The following DIP2C variants were observed in gnomAD, a reference collection of about 807,000 sequenced individuals.
DIP2C encodes the protein disco-interacting protein 2 homolog C.
A neutral mutation model predicts 192.4 loss-of-function variants in DIP2C; 33 were observed. The observed-to-expected ratio is 0.17, with a 90% CI of 0.13 to 0.23. DIP2C has a LOEUF of 0.23. DIP2C is among the 10% of genes least tolerant of loss of function. The pLI, the probability that DIP2C is intolerant of heterozygous loss-of-function variation, is 1.00. For synonymous variants in DIP2C, 979 were observed against 864.1 expected, an observed-to-expected ratio of 1.13 and a Z score of -2.33; for missense variants, 1,537 against 2,110.1, an observed-to-expected ratio of 0.73 and a Z score of 5.32.
chr10:468,789 A>C (rs1970413752), intron 3 of DIP2C, among the ~76,000 whole-genome samples: 1 of 152,200 alleles, frequency 6.6e-6, no homozygotes, highest in Non-Finnish European at 1.5e-5. Flanking sequence ...AACAAACAAA[A>C]AAAGATGAGT....
At chr10:362,456 C>T (rs369449692) in intron 22 of DIP2C, 34 bp downstream of exon 22, 102 of 1,605,732 alleles carry the variant, frequency 6.4e-5, no homozygotes, top group African/African-American at 8.0e-5. Flanking sequence ...AGGGAACTCC[C>T]GCACCTCACA....
chr10:283,533 T>C (rs1398343392), intron 34 of DIP2C, 87 bp from the exon 35 acceptor site: 1 of 1,468,826 alleles, frequency 6.8e-7, no homozygotes, highest in East Asian at 2.3e-5. Flanking sequence ...ATTCAGTACA[T>C]TATATTCAGT....
chr10:435,964 T>C (rs1377173019), intron 4 of DIP2C, among the ~76,000 whole-genome samples: 1 of 152,100 alleles, frequency 6.6e-6, no homozygotes, highest in African/African-American at 2.4e-5. Flanking sequence ...GCCTCATATA[T>C]ATATATAAAT....
At chr10:407,741 C>CAA (rs1358643648) in intron 9 of DIP2C, among the ~76,000 whole-genome samples, 5 of 152,080 alleles carry the variant, frequency 3.3e-5, no homozygotes, top group African/African-American at 9.7e-5. Context: ...AACGTTTACT[C>CAA]AAGTCTCTGG....
intron 3 of DIP2C, among the ~76,000 whole-genome samples, chr10:448,376 A>G (rs1308963976): frequency 6.9e-6 from 1 of 143,958 alleles, no homozygotes; most frequent in African/African-American, 2.6e-5. Context: ...TCCCGTCGAT[A>G]CTCAGGATCA....
chr10:531,796 G>A (rs983801278), intron 1 of DIP2C, among the ~76,000 whole-genome samples: 1 of 152,150 alleles, frequency 6.6e-6, no homozygotes, highest in Non-Finnish European at 1.5e-5. Flanking sequence ...GCCTCGACGG[G>A]TGCCCGTGTC....
intron 1 of DIP2C, among the ~76,000 whole-genome samples, chr10:548,208 A>ACACC (rs1554897774): frequency 1.7e-5 from 1 of 58,258 alleles, no homozygotes; most frequent in Non-Finnish European, 3.5e-5. Flanking sequence ...AGTCTGCCCC[A>ACACC]CCCCCCCCCC....
At chr10:403,197 A>G (rs1368892512) in intron 9 of DIP2C, among the ~76,000 whole-genome samples, 1 of 1,990 alleles carries the variant, frequency 5.0e-4, no homozygotes, top group African/African-American at 5.5e-4. Context: ...CATGAATCCT[A>G]TGATTTTACA....
intron 17 of DIP2C, among the ~76,000 whole-genome samples, chr10:375,604 G>A (rs1287974650): frequency 6.6e-6 from 1 of 152,176 alleles, no homozygotes; most frequent in African/African-American, 2.4e-5. Context: ...CCAGCCTCTG[G>A]AAAGCATTCC....
Position 345,042 on chromosome 10 carries a change from C to T in DIP2C, c.3300G>A (p.Ala1100=), listed in dbSNP as rs1328180844. The part of the protein sequence containing the change: ...ICKLLRSREA[A]AAVDVRTWPL... ...GCCACGTCCTGACGTCCACAGCCGC[C>T]GCCGCCTCCCTGGACCGCAGCAACT... The change falls in exon 27 of 37, where the codon GCG becomes GCA. Residue 1100 remains alanine (A), a synonymous_variant. Coordinates refer to ENST00000280886, the MANE Select transcript of DIP2C (RefSeq NM_014974.3). 34 of 1,613,530 alleles carry T rather than the reference C, an allele frequency of 2.1e-5. No individual in the cohort carries two copies. The highest frequency in any genetic ancestry group is 1.0e-4 in the Admixed American group (6 of 59,978).
chr10:397,202 TG>T (rs1964056060), intron 10 of DIP2C, among the ~76,000 whole-genome samples: 2 of 152,262 alleles, frequency 1.3e-5, no homozygotes, highest in Admixed American at 6.5e-5. Flanking sequence ...CTTTTAGAGC[TG>T]GAAGAGTCAC....
chr10:387,523 CAG>C (rs896587253), intron 14 of DIP2C, among the ~76,000 whole-genome samples: 2 of 119,758 alleles, frequency 1.7e-5, no homozygotes, highest in Non-Finnish European at 3.3e-5. Context: ...TGTGGACAGA[CAG>C]TGAGGGGAGG....
intron 32 of DIP2C, among the ~76,000 whole-genome samples, chr10:305,026 CAT>C (rs35038986): frequency 0.8 from 121,516 of 152,100 alleles, 49,655 homozygotes; most frequent in Non-Finnish European, 0.89. Flanking sequence ...ACTCATGACA[CAT>C]ATATGCACGT....
intron 9 of DIP2C, among the ~76,000 whole-genome samples, 172 bp from the exon 10 acceptor site, chr10:399,391 T>C (rs75182908): frequency 0.064 from 9,747 of 152,282 alleles, 1,043 homozygotes; most frequent in African/African-American, 0.22. Flanking sequence ...CGGCCTTGAA[T>C]TCATATAGAA....
chr10:419,823 A>G (rs1227419095), intron 5 of DIP2C, among the ~76,000 whole-genome samples: 1 of 152,164 alleles, frequency 6.6e-6, no homozygotes, highest in Admixed American at 6.5e-5. Flanking sequence ...GTTACACCCT[A>G]ATGTGTACTA....
intron 1 of DIP2C, among the ~76,000 whole-genome samples, chr10:602,583 AG>A (rs1276340844): frequency 1.4e-4 from 21 of 152,196 alleles, no homozygotes; most frequent in African/African-American, 5.1e-4. Flanking sequence ...TGTGAGCAAC[AG>A]GTCCTGGGGC....
chr10:658,520 C>A (rs4881499), intron 1 of DIP2C, among the ~76,000 whole-genome samples: 137,840 of 152,306 alleles, frequency 0.91, 62,964 homozygotes, highest in South Asian at 0.97. Flanking sequence ...TGAGGCAGAG[C>A]TGCTGGCATC....
At chr10:531,229 T>G (rs1239518936) in intron 1 of DIP2C, among the ~76,000 whole-genome samples, 1 of 152,066 alleles carries the variant, frequency 6.6e-6, no homozygotes, top group Admixed American at 6.5e-5. Context: ...ATTCAGACAT[T>G]CCACAATCCC....
chr10:497,776 C>T (rs530289562), intron 1 of DIP2C, among the ~76,000 whole-genome samples: 32 of 152,332 alleles, frequency 2.1e-4, no homozygotes, highest in Admixed American at 1.0e-3. Flanking sequence ...CTTGAAGCAA[C>T]ATTCATCATA....
Sources: allele counts gnomAD v4.1 joint callset (sites outside exome capture counted in the v4.1 genomes callset), GRCh38; gene constraint gnomAD v4.1.1; transcripts MANE v1.5; gene names NCBI Gene and HGNC (gene_info 2026-07-23, HGNC 2026-07-21).